The following CDH2 variants were observed in gnomAD, a reference collection of about 807,000 sequenced individuals.
CDH2 encodes cadherin-2.
CDH2 carries 17 observed loss-of-function variants against 92.0 expected under a neutral mutation model. That is an observed-to-expected ratio of 0.18 (90% CI 0.13 to 0.28). The LOEUF (loss-of-function observed/expected upper bound fraction) is 0.28. Ranked by LOEUF, CDH2 falls within the 10% of genes least tolerant of loss-of-function variation. The probability of loss-of-function intolerance (pLI) is 1.00; values close to 1 mark genes in which losing one functional copy is unlikely to be tolerated. For synonymous variants in CDH2, 419 were observed against 415.9 expected (o/e 1.01, Z -0.09); for missense variants, 862 against 1,133.1 (o/e 0.76, Z 3.44).
intron 11 of CDH2, among the ~76,000 whole-genome samples, chr18:27,987,449 G>A: frequency 6.6e-6 from 1 of 152,056 alleles, no homozygotes; most frequent in Non-Finnish European, 1.5e-5. Flanking sequence ...GATTTAGAAA[G>A]GTTCACTGAC....
chr18:28,059,184 T>C (rs982949675), intron 2 of CDH2, among the ~76,000 whole-genome samples: 2 of 152,170 alleles, frequency 1.3e-5, no homozygotes, highest in East Asian at 3.9e-4. Flanking sequence ...TTGGTTGGAA[T>C]GACAAAAACC....
At chr18:28,085,824 C>T (rs1198020645) in intron 2 of CDH2, among the ~76,000 whole-genome samples, 5 of 152,044 alleles carry the variant, frequency 3.3e-5, no homozygotes, top group Admixed American at 2.6e-4. Flanking sequence ...ACTTAATGTG[C>T]TGAATGAATG....
chr18:28,103,475 A>G (rs2015268105), intron 2 of CDH2, among the ~76,000 whole-genome samples: 2 of 60,760 alleles, frequency 3.3e-5, no homozygotes, highest in African/African-American at 1.3e-4. Flanking sequence ...AAGTATGTAT[A>G]TATATACACA....
chr18:28,172,727 A>C (rs997676060), intron 1 of CDH2, among the ~76,000 whole-genome samples: 3 of 152,186 alleles, frequency 2.0e-5, no homozygotes, highest in East Asian at 3.9e-4. Flanking sequence ...CAGTGCCTAA[A>C]CTTGATTACT....
chr18:28,074,181 T>C (rs2014674626), intron 2 of CDH2, among the ~76,000 whole-genome samples: 1 of 152,162 alleles, frequency 6.6e-6, no homozygotes. Context: ...ACTTAATATG[T>C]GGATGACACT....
intron 2 of CDH2, among the ~76,000 whole-genome samples, chr18:28,071,014 G>A (rs768862032): frequency 1.3e-5 from 2 of 151,742 alleles, no homozygotes; most frequent in Non-Finnish European, 2.9e-5. Flanking sequence ...TTTGTGTCTC[G>A]GTTCTGCCTG....
chr18:28,036,477 G>A (rs1006337226), intron 2 of CDH2: 4 of 1,561,206 alleles, frequency 2.6e-6, no homozygotes, highest in Non-Finnish European at 3.5e-6. Flanking sequence ...TACCTGAAAG[G>A]AAAACATACA....
intron 1 of CDH2, among the ~76,000 whole-genome samples, chr18:28,163,808 G>A (rs1424183179): frequency 6.6e-6 from 1 of 152,174 alleles, no homozygotes; most frequent in Admixed American, 6.5e-5. Flanking sequence ...TATGCATGAT[G>A]TATATGCATA....
At chr18:28,083,238 G>C (rs1479632431) in intron 2 of CDH2, among the ~76,000 whole-genome samples, 2 of 152,028 alleles carry the variant, frequency 1.3e-5, no homozygotes, top group African/African-American at 2.4e-5. Context: ...CCTGAATTTT[G>C]TATTTTATTG....
chr18:28,163,032 AACAC>A (rs2016329386), intron 1 of CDH2, among the ~76,000 whole-genome samples: 1 of 152,224 alleles, frequency 6.6e-6, no homozygotes, highest in South Asian at 2.1e-4. Context: ...GAGAATGAGA[AACAC>A]ACAGCAAGGC....
chr18:27,945,631 T>C (rs1381337077), intron 6 of CDH2, among the ~76,000 whole-genome samples: 7 of 152,118 alleles, frequency 4.6e-5, no homozygotes, highest in African/African-American at 1.7e-4. Context: ...TTGTTGAATG[T>C]CTCTTCTTTT....
At chr18:28,036,591 A>G in intron 2 of CDH2, 1 of 1,375,952 alleles carries the variant, frequency 7.3e-7, no homozygotes, top group Non-Finnish European at 1.0e-6. Context: ...TGCTTAGTGA[A>G]CAAAGTCATA....
intron 6 of CDH2, among the ~76,000 whole-genome samples, chr18:27,941,326 T>C (rs530780315): frequency 9.2e-5 from 14 of 152,246 alleles, no homozygotes; most frequent in African/African-American, 3.1e-4. Context: ...TGAGCCACCG[T>C]ACCTGGCCAA....
rs1383576301 is a variant in CDH2, at chr18:28,173,839, A to G, written c.60+3124T>C. On this transcript the variant is annotated intron_variant, in intron 1 of 15. Transcript: ENST00000269141. ...GATTTTTTTTCTTAACAATAAACCT[A>G]TGTAAAGATTTGAAAGTCACTTGTA... Among the ~76,000 whole-genome samples the G allele has an allele frequency of 2.6e-5, 4 of 152,328 alleles. No homozygotes were observed. The South Asian group carries it at 6.2e-4, about 24-fold the overall frequency.
chr18:28,035,223 C>T (rs1411017008), intron 2 of CDH2, among the ~76,000 whole-genome samples: 1 of 151,928 alleles, frequency 6.6e-6, no homozygotes, highest in East Asian at 1.9e-4. Context: ...GTTTTCTTAT[C>T]ATAATGGCCA....
intron 2 of CDH2, among the ~76,000 whole-genome samples, chr18:28,108,300 A>T (rs1488929338): frequency 1.3e-5 from 2 of 152,196 alleles, no homozygotes; most frequent in Non-Finnish European, 2.9e-5. Flanking sequence ...ATAAATGTTT[A>T]AACTACTATG....
At chr18:27,939,965 T>C (rs920893133) in intron 6 of CDH2, among the ~76,000 whole-genome samples, 10 of 152,282 alleles carry the variant, frequency 6.6e-5, no homozygotes, top group Admixed American at 3.3e-4. Context: ...TAGGCGTGTC[T>C]GCAACCCCAC....
chr18:28,088,638 G>A lies in CDH2; in HGVS notation c.172+59035C>T, dbSNP rs147955327. ...GTCCGAGAGGCATCTGGTGAGCTAG[G>A]CACCTCCCAAAGGAGGTGGACAGAG... On this transcript the variant is annotated intron_variant, in intron 2 of 15. Transcript: ENST00000269141. 1.1e-4 allele frequency among the ~76,000 whole-genome samples: 16 copies of A among 152,232 alleles called. No individual in the cohort carries two copies. In the East Asian group the frequency reaches 2.7e-3, roughly 26 times the overall value.
chr18:27,940,227 T>C (rs1909105382), intron 6 of CDH2, among the ~76,000 whole-genome samples: 1 of 152,198 alleles, frequency 6.6e-6, no homozygotes, highest in African/African-American at 2.4e-5. Context: ...TTAGTGTTCC[T>C]CCATATGGTT....
Sources: gnomAD v4.1 joint callset for allele counts (sites outside exome capture counted in the v4.1 genomes callset) on GRCh38, gnomAD v4.1.1 for gene constraint, MANE v1.5 for transcripts, NCBI Gene and HGNC (gene_info 2026-07-23, HGNC 2026-07-21) for gene names.